ZNF423: variants seen among roughly 807,000 people sequenced by gnomAD.
ZNF423 encodes the protein zinc finger protein 423.
ZNF423 carries 12 observed loss-of-function variants against 95.8 expected under a neutral mutation model. That is an observed-to-expected ratio of 0.13 (90% CI 0.08 to 0.20). The LOEUF (loss-of-function observed/expected upper bound fraction) is 0.20, where lower values mean the gene tolerates loss of function less well. Ranked by LOEUF, ZNF423 falls within the 10% of genes least tolerant of loss-of-function variation. The pLI is 1.00. For missense variants in ZNF423, 1,316 were observed against 1,737.1 expected, an observed-to-expected ratio of 0.76 and a Z score of 4.31; for synonymous variants, 749 against 711.9, an observed-to-expected ratio of 1.05 and a Z score of -0.83.
intron 3 of ZNF423, among the ~76,000 whole-genome samples, chr16:49,719,708 C>T (rs2032809781): frequency 6.6e-6 from 1 of 152,222 alleles, no homozygotes; most frequent in Non-Finnish European, 1.5e-5. Context: ...GCTACCCCTT[C>T]ACCTTCCGCC....
At chr16:49,685,479 G>C (rs1393623678) in intron 3 of ZNF423, among the ~76,000 whole-genome samples, 1 of 152,134 alleles carries the variant, frequency 6.6e-6, no homozygotes, top group Non-Finnish European at 1.5e-5. Context: ...CCCTGCCCTG[G>C]TGCAGTTCAG....
intron 3 of ZNF423, among the ~76,000 whole-genome samples, chr16:49,705,283 T>C (rs1004322020): frequency 2.0e-5 from 3 of 152,178 alleles, no homozygotes; most frequent in African/African-American, 7.2e-5. Flanking sequence ...GAGTGCCCTC[T>C]GTCTAGCTAT....
intron 5 of ZNF423, among the ~76,000 whole-genome samples, chr16:49,551,865 A>G (rs980758678): frequency 6.6e-6 from 1 of 152,192 alleles, no homozygotes; most frequent in African/African-American, 2.4e-5. Context: ...GTGTTTGGAC[A>G]CCTGGACCAA....
At position 49,746,026 on chromosome 16, in the gene ZNF423, C is replaced by T. The variant is rs148244800; in HGVS notation, c.101-15055G>A. Among the ~76,000 whole-genome samples the T allele has an allele frequency of 6.6e-5, 10 of 152,196 alleles. No homozygotes were observed. The East Asian group carries it at 1.9e-3, about 29-fold the overall frequency. Reference sequence around the variant, plus strand: ...AGGTGCAGGGGGATCTGAGGAAGTACGTAATTTCATCTGAGCTTTGTCCCT... The same window carrying T: ...AGGTGCAGGGGGATCTGAGGAAGTATGTAATTTCATCTGAGCTTTGTCCCT... On this transcript the variant is annotated intron_variant, in intron 2 of 7. Coordinates refer to ENST00000563137, the MANE Select transcript of ZNF423 (RefSeq NM_001379286.1).
At chr16:49,811,602 G>A (rs1196849139) in intron 1 of ZNF423, among the ~76,000 whole-genome samples, 2 of 152,114 alleles carry the variant, frequency 1.3e-5, no homozygotes, top group African/African-American at 2.4e-5. Context: ...CGACCCCCTG[G>A]TCAGACAAGG....
intron 7 of ZNF423, among the ~76,000 whole-genome samples, chr16:49,498,463 G>A (rs956743945): frequency 3.9e-5 from 6 of 152,326 alleles, no homozygotes; most frequent in Admixed American, 6.5e-5. Flanking sequence ...AGAGGAAGGC[G>A]GGGGCCTTAT....
At chr16:49,826,626 A>C (rs2035008114) in intron 1 of ZNF423, 1 of 152,242 alleles carries the variant, frequency 6.6e-6, no homozygotes, top group Non-Finnish European at 1.5e-5. Context: ...CTGAATAGGG[A>C]CTGCTTATGT....
At chr16:49,787,654 G>C (rs1473610007) in intron 2 of ZNF423, among the ~76,000 whole-genome samples, 2 of 152,174 alleles carry the variant, frequency 1.3e-5, no homozygotes, top group African/African-American at 4.8e-5. Flanking sequence ...TCTGCAAGCT[G>C]GGAGACACCT....
At chr16:49,641,719 G>A (rs1294960093) in intron 3 of ZNF423, among the ~76,000 whole-genome samples, 1 of 152,198 alleles carries the variant, frequency 6.6e-6, no homozygotes, top group East Asian at 1.9e-4. Context: ...TCTGAAAAAA[G>A]GGAATCACTG....
chr16:49,662,683 G>T (rs1228371443), intron 3 of ZNF423, among the ~76,000 whole-genome samples: 1 of 152,160 alleles, frequency 6.6e-6, no homozygotes, highest in East Asian at 1.9e-4. Context: ...GCAGGAAAAG[G>T]GTGAAGGGTG....
chr16:49,676,983 C>T (rs374604883), intron 3 of ZNF423, among the ~76,000 whole-genome samples: 4 of 151,414 alleles, frequency 2.6e-5, no homozygotes, highest in African/African-American at 4.9e-5. Context: ...TTTGGGAGGC[C>T]GAGGTGGGCG....
chr16:49,812,670 A>T (rs960893652), intron 1 of ZNF423, among the ~76,000 whole-genome samples: 4 of 152,364 alleles, frequency 2.6e-5, no homozygotes, highest in Middle Eastern at 6.8e-3. Context: ...ACAGCGTGAG[A>T]TCCCATCTCA....
At chr16:49,858,874 G>A (rs966564157), upstream of ZNF423, among the ~76,000 whole-genome samples, 1 of 152,144 alleles carries the variant, frequency 6.6e-6, no homozygotes. This position sits in a 1 kb window ranked among gnomAD's most constrained non-coding sequence, Gnocchi z 4.3. Context: ...CCGGCGCCTG[G>A]GATCGAGGCC....
chr16:49,635,373 TACA>T lies in ZNF423; in HGVS notation c.3516+284_3516+286del, dbSNP rs1247548540. ...TACCTGTATGATGTCCTCGGCCTCT[TACA>T]ACAATTCTCTGAGGTTGGGACAATT... On this transcript the variant is annotated intron_variant, in intron 4 of 7. Transcript: ENST00000563137. The surrounding 1 kb of genome is among the most constrained non-coding windows in gnomAD (Gnocchi z 4.8). Among the ~76,000 whole-genome samples, 2 of 152,246 alleles carry T rather than the reference TACA, an allele frequency of 1.3e-5. No individual in the cohort carries two copies. The highest frequency in any genetic ancestry group is 2.9e-5 in the Non-Finnish European group (2 of 68,038).
chr16:49,748,134 A>G (rs937072904), intron 2 of ZNF423, among the ~76,000 whole-genome samples: 5 of 152,212 alleles, frequency 3.3e-5, no homozygotes, highest in African/African-American at 9.7e-5. Context: ...AGGAACTTCT[A>G]TCTGTTCACT....
intron 3 of ZNF423, among the ~76,000 whole-genome samples, chr16:49,705,909 T>C (rs2032334891): frequency 6.6e-6 from 1 of 152,016 alleles, no homozygotes; most frequent in South Asian, 2.1e-4. Flanking sequence ...AACAAGGGAG[T>C]GTCCAAGTGC....
intron 5 of ZNF423, among the ~76,000 whole-genome samples, chr16:49,538,584 A>T (rs916691950): frequency 6.6e-6 from 1 of 152,134 alleles, no homozygotes; most frequent in African/African-American, 2.4e-5. Flanking sequence ...TTCCCAGTGC[A>T]AAGCTGCACT....
Position 49,603,044 on chromosome 16 carries a change from G to C in ZNF423, c.3601+23126C>G, listed in dbSNP as rs942874558. Among the ~76,000 whole-genome samples, 10 of 152,196 alleles carry C rather than the reference G, an allele frequency of 6.6e-5. No individual in the cohort carries two copies. The highest frequency in any genetic ancestry group is 2.4e-4 in the African/African-American group (10 of 41,470). ...TGTCCCTGAAATGCCAAGGAGAAAG[G>C]GAGGATGGGAGGAGGAGGTTCCGAA... On this transcript the variant is annotated intron_variant, in intron 5 of 7. Transcript: ENST00000563137. The surrounding 1 kb of genome is among the most constrained non-coding windows in gnomAD (Gnocchi z 4.1).
intron 5 of ZNF423, among the ~76,000 whole-genome samples, chr16:49,531,791 G>C (rs931106943): frequency 6.6e-6 from 1 of 152,148 alleles, no homozygotes; most frequent in African/African-American, 2.4e-5. Flanking sequence ...AGTGGTGATG[G>C]AGGATGACCA....
Sources: gnomAD v4.1 joint callset for allele counts (sites outside exome capture counted in the v4.1 genomes callset) on GRCh38, gnomAD v4.1.1 for gene constraint, Gnocchi (gnomAD v3.1) non-coding constraint, MANE v1.5 for transcripts, NCBI Gene and HGNC (gene_info 2026-07-23, HGNC 2026-07-21) for gene names.